The following LRRC4C variants were observed in gnomAD, a reference collection of about 807,000 sequenced individuals.
The protein encoded by LRRC4C is leucine rich repeat containing 4C, also known as leucine-rich repeat-containing protein 4C.
Under a neutral mutation model 33.6 loss-of-function variants are expected in LRRC4C, and 5 were observed. The observed-to-expected ratio is 0.15, with a 90% CI of 0.08 to 0.31. The LOEUF is 0.31. Among genes scored for constraint, LRRC4C ranks in the 10% least tolerant of loss-of-function variants. The pLI is 1.00. For missense variants in LRRC4C, 560 were observed against 796.7 expected (o/e 0.70, Z 3.58); for synonymous variants, 329 against 302.0 (o/e 1.09, Z -0.93).
chr11:40,466,681 A>G (rs568108044), intron 3 of LRRC4C, among the ~76,000 whole-genome samples: 31 of 152,122 alleles, frequency 2.0e-4, no homozygotes, highest in Non-Finnish European at 3.2e-4. Flanking sequence ...TAGAATTTGA[A>G]TCCAGCTCTT....
At chr11:40,160,664 G>GA (rs1190864289) in intron 5 of LRRC4C, among the ~76,000 whole-genome samples, 2 of 152,144 alleles carry the variant, frequency 1.3e-5, no homozygotes, top group Non-Finnish European at 2.9e-5. Flanking sequence ...ATAGACGAGC[G>GA]AAAGGGCAGG....
intron 1 of LRRC4C, among the ~76,000 whole-genome samples, chr11:40,996,130 CAAAAT>C (rs1853953985): frequency 6.6e-6 from 1 of 152,088 alleles, no homozygotes; most frequent in Admixed American, 6.6e-5. Context: ...GTTGTTACAA[CAAAAT>C]AAAATAATTT....
intron 5 of LRRC4C, among the ~76,000 whole-genome samples, chr11:40,229,284 T>TA (rs1389470128): frequency 1.3e-5 from 2 of 151,704 alleles, no homozygotes; most frequent in African/African-American, 4.8e-5. Flanking sequence ...TATATATATA[T>TA]TTTTTTGAGA....
intron 5 of LRRC4C, among the ~76,000 whole-genome samples, chr11:40,175,138 A>G (rs1226337479): frequency 6.6e-6 from 1 of 152,242 alleles, no homozygotes; most frequent in East Asian, 1.9e-4. Flanking sequence ...GTTGAGTACT[A>G]ACATCACGAA....
intron 4 of LRRC4C, among the ~76,000 whole-genome samples, chr11:40,314,453 C>T (rs58549921): frequency 2.6e-5 from 4 of 152,000 alleles, no homozygotes; most frequent in African/African-American, 7.3e-5. Context: ...CTGTTGGAAA[C>T]GTAAACAAGT....
At chr11:40,677,312 G>A (rs1489453983) in intron 2 of LRRC4C, among the ~76,000 whole-genome samples, 1 of 152,112 alleles carries the variant, frequency 6.6e-6, no homozygotes, top group Non-Finnish European at 1.5e-5. Context: ...CTTGAACCTG[G>A]GAGGCGGAGG....
intron 6 of LRRC4C, among the ~76,000 whole-genome samples, chr11:40,137,403 T>C (rs1213621633): frequency 6.6e-6 from 1 of 152,162 alleles, no homozygotes; most frequent in African/African-American, 2.4e-5. Flanking sequence ...ACACTAGGCA[T>C]ATTGCTGCAC....
chr11:41,292,589 C>A (rs2137016979), intron 1 of LRRC4C, among the ~76,000 whole-genome samples: 1 of 151,954 alleles, frequency 6.6e-6, no homozygotes, highest in Non-Finnish European at 1.5e-5. Flanking sequence ...ATTACATACT[C>A]AATACTCTTG....
chr11:41,214,924 G>T (rs1220673360), intron 1 of LRRC4C, among the ~76,000 whole-genome samples: 1 of 146,534 alleles, frequency 6.8e-6, no homozygotes, highest in Non-Finnish European at 1.5e-5. Context: ...TATAAAGAAT[G>T]TTTAACATGA....
chr11:41,179,424 G>T (rs1328159803), intron 1 of LRRC4C, among the ~76,000 whole-genome samples: 1 of 152,170 alleles, frequency 6.6e-6, no homozygotes, highest in Non-Finnish European at 1.5e-5. Context: ...AACCTATCTG[G>T]CCTGAGGGCC....
At chr11:41,266,669 C>G (rs1022049346) in intron 1 of LRRC4C, among the ~76,000 whole-genome samples, 2 of 152,098 alleles carry the variant, frequency 1.3e-5, no homozygotes, top group Non-Finnish European at 2.9e-5. Flanking sequence ...AAAGCTTTAT[C>G]TTGATTTTAA....
chr11:41,004,942 G>C (rs1216260942), intron 1 of LRRC4C, among the ~76,000 whole-genome samples: 1 of 151,964 alleles, frequency 6.6e-6, no homozygotes, highest in Non-Finnish European at 1.5e-5. Flanking sequence ...AAAATGCTGG[G>C]AAAATCAGCT....
At position 40,865,285 on chromosome 11, in the gene LRRC4C, C is replaced by T. The variant is rs370626680; in HGVS notation, c.-407+68350G>A. 1.1e-4 allele frequency among the ~76,000 whole-genome samples: 16 copies of T among 151,956 alleles called. No homozygotes were observed. In the South Asian group the frequency reaches 1.3e-3, roughly 12 times the overall value. ...ATGATAATGGTTACTAGAGGTGGTGCTGTTGGTGGGTGCAGTGAAGGGGGA... is the reference window on the plus strand; with the variant it reads ...ATGATAATGGTTACTAGAGGTGGTGTTGTTGGTGGGTGCAGTGAAGGGGGA... On this transcript the variant is annotated intron_variant, in intron 2 of 6. Coordinates refer to ENST00000528697, the MANE Select transcript of LRRC4C (RefSeq NM_001258419.2).
intron 2 of LRRC4C, among the ~76,000 whole-genome samples, chr11:40,910,172 T>C (rs147572541): frequency 2.2e-4 from 33 of 152,260 alleles, no homozygotes; most frequent in African/African-American, 6.3e-4. Flanking sequence ...GATATACCTA[T>C]CATCAATCAA....
chr11:40,907,877 C>G (rs1956491720), intron 2 of LRRC4C, among the ~76,000 whole-genome samples: 1 of 152,012 alleles, frequency 6.6e-6, no homozygotes, highest in Non-Finnish European at 1.5e-5. Context: ...TCTTTGGAAA[C>G]CCTGTCAAAA....
intron 2 of LRRC4C, among the ~76,000 whole-genome samples, chr11:40,736,750 T>G (rs1471327756): frequency 1.3e-5 from 2 of 152,174 alleles, no homozygotes; most frequent in Non-Finnish European, 2.9e-5. Flanking sequence ...GATTTGCATT[T>G]CTTGAATGAC....
intron 2 of LRRC4C, among the ~76,000 whole-genome samples, chr11:40,762,414 C>T (rs530430626): frequency 3.5e-4 from 53 of 152,220 alleles, no homozygotes; most frequent in African/African-American, 1.2e-3. Context: ...ATTCAAGACA[C>T]TGTTGAGTTC....
intron 5 of LRRC4C, among the ~76,000 whole-genome samples, chr11:40,147,031 A>C (rs933994427): frequency 1.3e-5 from 2 of 152,172 alleles, no homozygotes; most frequent in African/African-American, 4.8e-5. Flanking sequence ...TCCACTAGAA[A>C]ATGGTTATGT....
rs560264500 is a variant in LRRC4C at position 40,509,298 on chromosome 11, T to C, written c.-270+138844A>G. ...TCCATTTTGTTAAGAAATGGGTTGC[T>C]ATTTAGCATGATAAATAGTTTAATA... On this transcript the variant is annotated intron_variant, in intron 3 of 6. Coordinates refer to ENST00000528697, the MANE Select transcript of LRRC4C (RefSeq NM_001258419.2). 2.6e-5 allele frequency among the ~76,000 whole-genome samples: 4 copies of C among 152,298 alleles called. No individual in the cohort carries two copies. In the South Asian group the frequency reaches 8.3e-4, roughly 32 times the overall value.
Sources: allele counts gnomAD v4.1 joint callset (sites outside exome capture counted in the v4.1 genomes callset), GRCh38; gene constraint gnomAD v4.1.1; transcripts MANE v1.5; gene names NCBI Gene and HGNC (gene_info 2026-07-23, HGNC 2026-07-21).